Variants in CHD1L observed in about 807,000 individuals in gnomAD.
CHD1L encodes ATP-dependent chromatin remodeler CHD1L.
CHD1L carries 118 observed loss-of-function variants against 115.9 expected under a neutral mutation model. That is an observed-to-expected ratio of 1.02 (90% CI 0.88 to 1.19). The LOEUF (loss-of-function observed/expected upper bound fraction) is 1.19, where lower values mean the gene tolerates loss of function less well. Ranked by LOEUF, CHD1L falls within the 50% of genes most tolerant of loss-of-function variation. The pLI, the probability that CHD1L is intolerant of heterozygous loss-of-function variation, is 0.00. For missense variants in CHD1L, 1,179 were observed against 1,065.3 expected, an observed-to-expected ratio of 1.11 and a Z score of -1.49; for synonymous variants, 411 against 387.1, an observed-to-expected ratio of 1.06 and a Z score of -0.72.
At chr1:147,216,827 A>T in the CHD1L span, among the ~76,000 whole-genome samples, 1 of 152,214 alleles carries the variant, frequency 6.6e-6, no homozygotes, top group South Asian at 2.1e-4. Flanking sequence ...CATCTTAGCA[A>T]AATCTTCATG....
At chr1:147,275,968 A>G in intron 13 of CHD1L, 136 bp from the exon 14 acceptor site, 1 of 842,342 alleles carries the variant, frequency 1.2e-6, no homozygotes, top group South Asian at 1.8e-5. Flanking sequence ...TCAGGACCAA[A>G]TGAACCAATC....
intron 6 of CHD1L, among the ~76,000 whole-genome samples, chr1:147,261,440 C>T (rs1267974223): frequency 2.7e-5 from 4 of 148,894 alleles, no homozygotes; most frequent in East Asian, 3.9e-4. Flanking sequence ...ATCTTATTCA[C>T]GAGGGAAAAG....
At chr1:147,275,971 A>G in intron 13 of CHD1L, 133 bp from the exon 14 acceptor site, 1 of 863,390 alleles carries the variant, frequency 1.2e-6, no homozygotes, top group Non-Finnish European at 1.8e-6. Context: ...GGACCAAATG[A>G]ACCAATCTCC....
intron 14 of CHD1L, among the ~76,000 whole-genome samples, chr1:147,278,063 C>A (rs1270920596): frequency 6.6e-6 from 1 of 152,040 alleles, no homozygotes; most frequent in Non-Finnish European, 1.5e-5. Context: ...TTGCCCAGCT[C>A]ATGGTTATCG....
the CHD1L span, among the ~76,000 whole-genome samples, chr1:147,194,799 T>G: frequency 6.6e-6 from 1 of 152,054 alleles, no homozygotes; most frequent in Non-Finnish European, 1.5e-5. Context: ...AATTCTGGGT[T>G]GAAAATTCTT....
At chr1:147,190,029 C>T in the CHD1L span, 72 of 558,022 alleles carry the variant, frequency 1.3e-4, no homozygotes, top group East Asian at 2.2e-3. Context: ...TTTCTCCATT[C>T]TATTGTCACA....
chr1:147,265,198 GGGGGC>G (rs1553947104), intron 7 of CHD1L, among the ~76,000 whole-genome samples: 30 of 152,072 alleles, frequency 2.0e-4, no homozygotes, highest in Non-Finnish European at 1.2e-4. Context: ...ATGAGTTTGA[GGGGGC>G]TTCTCATAGC....
At chr1:147,234,139 G>C in the CHD1L span, among the ~76,000 whole-genome samples, 12 of 152,170 alleles carry the variant, frequency 7.9e-5, no homozygotes, top group Admixed American at 5.9e-4. Flanking sequence ...TGTAGATCAT[G>C]AGCCTGCTCT....
chr1:147,276,660 G>A (rs1183140509), intron 14 of CHD1L, among the ~76,000 whole-genome samples: 12 of 152,134 alleles, frequency 7.9e-5, no homozygotes, highest in African/African-American at 2.7e-4. Flanking sequence ...AGAAGAGGGC[G>A]AATGAGATCA....
the CHD1L span, among the ~76,000 whole-genome samples, chr1:147,192,399 A>T: frequency 6.6e-6 from 1 of 152,144 alleles, no homozygotes; most frequent in African/African-American, 2.4e-5. Context: ...CATCAGCTTA[A>T]GGAGATTTTG....
chr1:147,196,253 T>C, the CHD1L span, among the ~76,000 whole-genome samples: 1 of 152,180 alleles, frequency 6.6e-6, no homozygotes, highest in Non-Finnish European at 1.5e-5. Flanking sequence ...TTGTTTTCCA[T>C]GTGTTTTTAC....
the CHD1L span, among the ~76,000 whole-genome samples, chr1:147,194,530 G>A: frequency 6.6e-6 from 1 of 152,146 alleles, no homozygotes; most frequent in Non-Finnish European, 1.5e-5. Context: ...ATTGTTATGT[G>A]TGAATTTGGT....
intron 7 of CHD1L, among the ~76,000 whole-genome samples, 165 bp from the exon 8 acceptor site, chr1:147,265,767 G>T (rs990273463): frequency 6.6e-6 from 1 of 152,150 alleles, no homozygotes; most frequent in Admixed American, 6.5e-5. Context: ...GAAAAAAGAT[G>T]ATCCCAATGA....
the CHD1L span, chr1:147,184,767 A>C: frequency 2.6e-6 from 3 of 1,139,300 alleles, no homozygotes; most frequent in South Asian, 9.5e-5. This position sits in a 1 kb window ranked among gnomAD's most constrained non-coding sequence, Gnocchi z 4.4. Flanking sequence ...GATAGTGTTT[A>C]TCAGATTTCT....
chr1:147,287,738 G>GA lies in CHD1L; in HGVS notation c.2320+7dup. 1 of 1,613,000 alleles carries GA rather than the reference G, an allele frequency of 6.2e-7. No individual in the cohort carries two copies. Among genetic ancestry groups the GA allele is most frequent in the Non-Finnish European group, 8.5e-7 (1 of 1,179,418 alleles). Reference sequence around the variant, plus strand: ...AGCTGGCTGGGAAAATGAAAGGTAAGAAGCAAAGCAGAGGGAAAGGTTAAG... The same window carrying GA: ...AGCTGGCTGGGAAAATGAAAGGTAAGAAAGCAAAGCAGAGGGAAAGGTTAAG... On this transcript the variant is annotated splice_donor_region_variant and intron_variant, in intron 19 of 22. Coordinates refer to ENST00000369258, the MANE Select transcript of CHD1L (RefSeq NM_004284.6).
At chr1:147,221,491 A>G in the CHD1L span, among the ~76,000 whole-genome samples, 1 of 152,238 alleles carries the variant, frequency 6.6e-6, no homozygotes, top group East Asian at 1.9e-4. Flanking sequence ...AAGGTAAATT[A>G]ATGAATGGCA....
At chr1:147,249,404 A>T (rs1433972968) in intron 1 of CHD1L, among the ~76,000 whole-genome samples, 248 of 94,094 alleles carry the variant, frequency 2.6e-3, no homozygotes, top group Admixed American at 3.4e-3. Flanking sequence ...CTTGGTGTGT[A>T]TTTTTTTTTT....
chr1:147,252,259 C>T (rs1668632860), intron 1 of CHD1L, among the ~76,000 whole-genome samples: 1 of 152,102 alleles, frequency 6.6e-6, no homozygotes, highest in Admixed American at 6.5e-5. Context: ...ATGTACAATC[C>T]ATGTGTTGTT....
chr1:147,232,656 G>A, the CHD1L span, among the ~76,000 whole-genome samples: 15 of 152,076 alleles, frequency 9.9e-5, no homozygotes, highest in African/African-American at 2.9e-4. Context: ...GCGCCGCCAC[G>A]CCTGACTGGT....
Sources: allele counts gnomAD v4.1 joint callset (sites outside exome capture counted in the v4.1 genomes callset), GRCh38; gene constraint gnomAD v4.1.1; non-coding constraint Gnocchi (gnomAD v3.1); transcripts MANE v1.5; gene names NCBI Gene and HGNC (gene_info 2026-07-23, HGNC 2026-07-21).